CADPS: variants seen among roughly 807,000 people sequenced by gnomAD.
The protein encoded by CADPS is calcium-dependent secretion activator 1.
CADPS carries 57 observed loss-of-function variants against 167.3 expected under a neutral mutation model. The ratio of observed to expected loss-of-function variants is 0.34; its 90% CI spans 0.28 to 0.42. CADPS has a LOEUF of 0.42. Among genes scored for constraint, CADPS ranks in the 20% least tolerant of loss-of-function variants. CADPS has a pLI of 1.00. For synonymous variants in CADPS, 676 were observed against 635.3 expected (o/e 1.06, Z -0.96); for missense variants, 1,414 against 1,738.1 (o/e 0.81, Z 3.32).
chr3:62,576,737 C>T (rs1160163878), intron 8 of CADPS, among the ~76,000 whole-genome samples: 2 of 122,466 alleles, frequency 1.6e-5, no homozygotes, highest in Non-Finnish European at 3.2e-5. Flanking sequence ...TTGCAGTGAG[C>T]TGAGATCACA....
At chr3:62,505,017 T>C (rs2066411793) in intron 17 of CADPS, among the ~76,000 whole-genome samples, 1 of 152,202 alleles carries the variant, frequency 6.6e-6, no homozygotes, top group African/African-American at 2.4e-5. Flanking sequence ...GATGCTAGTA[T>C]TTGTATTATG....
intron 22 of CADPS, among the ~76,000 whole-genome samples, chr3:62,480,695 A>T (rs778937384): frequency 3.9e-5 from 6 of 152,154 alleles, no homozygotes; most frequent in Non-Finnish European, 7.4e-5. Flanking sequence ...TGATAATAAC[A>T]CTTCCCTTTG....
intron 26 of CADPS, among the ~76,000 whole-genome samples, chr3:62,449,269 T>C (rs2057697158): frequency 6.6e-6 from 1 of 151,828 alleles, no homozygotes; most frequent in Non-Finnish European, 1.5e-5. Flanking sequence ...GACGTGTTTT[T>C]CTTTTCTTTT....
At chr3:62,653,713 A>G (rs2070812946) in intron 4 of CADPS, among the ~76,000 whole-genome samples, 1 of 152,160 alleles carries the variant, frequency 6.6e-6, no homozygotes, top group African/African-American at 2.4e-5. Flanking sequence ...CATATTAAAT[A>G]TCAATGTAGC....
intron 22 of CADPS, among the ~76,000 whole-genome samples, chr3:62,479,371 A>G (rs1455237801): frequency 2.6e-5 from 4 of 152,156 alleles, no homozygotes; most frequent in Non-Finnish European, 5.9e-5. Context: ...CCCCCCACCC[A>G]CTTCCTCGCA....
At chr3:62,626,176 C>T (rs1037308155) in intron 6 of CADPS, 2 of 184,274 alleles carry the variant, frequency 1.1e-5, no homozygotes, top group African/African-American at 4.8e-5. Flanking sequence ...TCATTGGTAT[C>T]CCCATTAAGA....
At chr3:62,520,672 A>C (rs576726665) in intron 13 of CADPS, among the ~76,000 whole-genome samples, 3 of 152,356 alleles carry the variant, frequency 2.0e-5, no homozygotes, top group Non-Finnish European at 4.4e-5. Flanking sequence ...TTTGATGTCG[A>C]ATGATTTTGA....
chr3:62,507,314 C>T (rs1403804767), intron 17 of CADPS, among the ~76,000 whole-genome samples: 2 of 152,140 alleles, frequency 1.3e-5, no homozygotes, highest in Admixed American at 1.3e-4. Context: ...AGACCCTGGC[C>T]TGGGTAAAAT....
chr3:62,561,455 G>T (rs138615011), intron 9 of CADPS, among the ~76,000 whole-genome samples: 1 of 151,336 alleles, frequency 6.6e-6, no homozygotes, highest in Admixed American at 6.6e-5. Context: ...AGAGATGGTG[G>T]GGGGGATGTC....
chr3:62,447,190 G>A (rs569081479), intron 26 of CADPS, among the ~76,000 whole-genome samples: 2 of 152,212 alleles, frequency 1.3e-5, no homozygotes, highest in Middle Eastern at 3.2e-3. Context: ...TTGGTTTCCA[G>A]ATTTCTAGAC....
intron 3 of CADPS, among the ~76,000 whole-genome samples, chr3:62,728,912 G>A (rs1005029357): frequency 2.6e-5 from 4 of 151,854 alleles, no homozygotes; most frequent in East Asian, 1.9e-4. Context: ...AATGAAATCC[G>A]GAATCCCTCA....
chr3:62,795,085 C>T (rs2093308904), intron 1 of CADPS, among the ~76,000 whole-genome samples: 1 of 152,096 alleles, frequency 6.6e-6, no homozygotes, highest in Non-Finnish European at 1.5e-5. Flanking sequence ...CTCCATCTCT[C>T]TTGACGGAAA....
At chr3:62,543,261 C>T (rs981971658) in intron 11 of CADPS, among the ~76,000 whole-genome samples, 4 of 152,244 alleles carry the variant, frequency 2.6e-5, no homozygotes, top group Admixed American at 2.0e-4. Flanking sequence ...ATTCCTGCAA[C>T]GTAGCAACTG....
intron 28 of CADPS, among the ~76,000 whole-genome samples, chr3:62,436,155 G>T (rs1338582632): frequency 1.3e-5 from 2 of 152,018 alleles, no homozygotes; most frequent in African/African-American, 2.4e-5. Context: ...CGTTCAGCAA[G>T]GCTACCTTGC....
rs377545007 is a variant in CADPS at position 62,417,276 on chromosome 3, C to T, written c.3778-14091G>A. Among the ~76,000 whole-genome samples the T allele has an allele frequency of 9.7e-3, 621 of 63,940 alleles. 154 individuals carry two copies. Among genetic ancestry groups the T allele is most frequent in the Middle Eastern group, 0.019 (2 of 108 alleles). 41.9% of individuals were successfully genotyped at this position (63,940 alleles called of 152,430 possible). On this transcript the variant is annotated intron_variant, in intron 28 of 29. Coordinates refer to ENST00000383710, the MANE Select transcript of CADPS (RefSeq NM_003716.4). ...ACACAATAACTATTTTTCTTTTACT[C>T]TTTTTTTTTTTTTTTTTTTTTTTTT...
chr3:62,753,394 C>A lies in CADPS; in HGVS notation c.888+47G>T. ...GAAGTATCTCATAGAAGTTGGAATG[C>A]AGCTCTGCTTACCCACAGCTCTAGG... On this transcript the variant is annotated intron_variant, in intron 3 of 29. Coordinates refer to ENST00000383710, the MANE Select transcript of CADPS (RefSeq NM_003716.4). This position sits in a 1 kb window ranked among gnomAD's most constrained non-coding sequence, Gnocchi z 4.6. The A allele has an allele frequency of 1.5e-6, 2 of 1,362,884 alleles. No homozygotes were observed. The highest frequency in any genetic ancestry group is 1.0e-6 in the Non-Finnish European group (1 of 979,580). The allele number at this position is 1,362,884 out of a possible 1,614,324, so 84.4% of individuals were successfully genotyped here.
At chr3:62,610,022 G>A (rs2061276084) in intron 6 of CADPS, among the ~76,000 whole-genome samples, 1 of 151,916 alleles carries the variant, frequency 6.6e-6, no homozygotes, top group South Asian at 2.1e-4. Context: ...CCAGGGGGTC[G>A]AGGCTGTAGA....
intron 7 of CADPS, among the ~76,000 whole-genome samples, chr3:62,587,905 G>A (rs2085007185): frequency 6.6e-6 from 1 of 152,192 alleles, no homozygotes; most frequent in Admixed American, 6.5e-5. Flanking sequence ...TGTCAGCACT[G>A]CTGAATTATG....
At chr3:62,831,243 G>A (rs11712054) in intron 1 of CADPS, among the ~76,000 whole-genome samples, 26,403 of 152,080 alleles carry the variant, frequency 0.17, 2,582 homozygotes, top group Middle Eastern at 0.32. Context: ...AAAACTCTTC[G>A]AAGTAAACAT....
Sources: gnomAD v4.1 joint callset for allele counts (sites outside exome capture counted in the v4.1 genomes callset) on GRCh38, gnomAD v4.1.1 for gene constraint, Gnocchi (gnomAD v3.1) non-coding constraint, MANE v1.5 for transcripts, NCBI Gene and HGNC (gene_info 2026-07-23, HGNC 2026-07-21) for gene names.